TNIK: variants seen among roughly 807,000 people sequenced by gnomAD.
TNIK encodes TRAF2 and NCK interacting kinase.
A neutral mutation model predicts 191.3 loss-of-function variants in TNIK; 49 were observed. The observed-to-expected ratio is 0.26, with a 90% confidence interval of 0.20 to 0.32. The LOEUF (loss-of-function observed/expected upper bound fraction) is 0.32. Among genes scored for constraint, TNIK ranks in the 10% least tolerant of loss-of-function variants. The pLI is 1.00. For synonymous variants in TNIK, 594 were observed against 600.9 expected (o/e 0.99, Z 0.17); for missense variants, 1,155 against 1,702.3 (o/e 0.68, Z 5.66).
intron 1 of TNIK, among the ~76,000 whole-genome samples, chr3:171,433,891 T>A (rs1488570405): frequency 6.6e-6 from 1 of 151,460 alleles, no homozygotes; most frequent in Non-Finnish European, 1.5e-5. Context: ...TTTCTAGATA[T>A]TTTACACTTA....
At chr3:171,229,494 A>G (rs760680181) in intron 2 of TNIK, among the ~76,000 whole-genome samples, 1 of 152,232 alleles carries the variant, frequency 6.6e-6, no homozygotes, top group Non-Finnish European at 1.5e-5. Flanking sequence ...AAAATGTGCT[A>G]GTTTAGTTGG....
intron 2 of TNIK, among the ~76,000 whole-genome samples, chr3:171,253,281 C>A (rs1243650973): frequency 1.3e-4 from 18 of 135,990 alleles, no homozygotes; most frequent in African/African-American, 1.7e-4. Flanking sequence ...AAGACTGTCT[C>A]AAAAAAAAAA....
At chr3:171,128,688 C>A in intron 16 of TNIK, 26 bp downstream of exon 16, 2 of 1,588,494 alleles carry the variant, frequency 1.3e-6, no homozygotes, top group South Asian at 1.2e-5. Context: ...TATTGGAATG[C>A]CTGATGGAAT....
At chr3:171,108,408 A>G (rs1190416473) in intron 19 of TNIK, among the ~76,000 whole-genome samples, 1 of 152,192 alleles carries the variant, frequency 6.6e-6, no homozygotes, top group East Asian at 1.9e-4. Flanking sequence ...TACTATCACC[A>G]CTAGAGCACT....
intron 19 of TNIK, 111 bp from the exon 20 acceptor site, chr3:171,108,273 CACGTCATTCACCTGGGCAAATCCTCAAG>C: frequency 1.3e-6 from 1 of 761,660 alleles, no homozygotes; most frequent in Non-Finnish European, 1.9e-6. Flanking sequence ...ACTCAGTGGA[CACGTCATTCACCTGGGCAAATCCTCAAG>C]AAACATCCAT....
chr3:171,156,149 G>A (rs74507792), intron 12 of TNIK, among the ~76,000 whole-genome samples: 2,183 of 152,308 alleles, frequency 0.014, 55 homozygotes, highest in African/African-American at 0.05. Context: ...GATAGTAGAT[G>A]AGATAGTGGC....
Position 171,208,667 on chromosome 3 carries a change from C to T in TNIK, c.306+2449G>A, listed in dbSNP as rs575268507. Reference sequence around the variant, plus strand: ...CCGCCTCCCAAGTTCAAGCAATTCTCCTGCCTCAGCCTCTGGAGTAGCTGG... The same window carrying T: ...CCGCCTCCCAAGTTCAAGCAATTCTTCTGCCTCAGCCTCTGGAGTAGCTGG... On this transcript the variant is annotated intron_variant, in intron 4 of 32. Transcript: ENST00000436636. 5.9e-5 allele frequency among the ~76,000 whole-genome samples: 9 copies of T among 152,036 alleles called. No homozygotes were observed. In the South Asian group the frequency reaches 1.9e-3, roughly 31 times the overall value.
intron 7 of TNIK, among the ~76,000 whole-genome samples, chr3:171,179,118 G>T (rs1236689359): frequency 6.6e-6 from 1 of 152,166 alleles, no homozygotes; most frequent in Admixed American, 6.5e-5. Context: ...AATGTTACCA[G>T]TTCTCAGTTC....
intron 24 of TNIK, among the ~76,000 whole-genome samples, chr3:171,085,493 G>A (rs772775765): frequency 3.3e-5 from 5 of 152,146 alleles, no homozygotes; most frequent in Non-Finnish European, 5.9e-5. Context: ...ACCACATGTG[G>A]CACCTTAAAA....
chr3:171,410,954 A>C (rs1425078791), intron 1 of TNIK, among the ~76,000 whole-genome samples: 1 of 151,714 alleles, frequency 6.6e-6, no homozygotes, highest in African/African-American at 2.4e-5. Context: ...AATCCACTAC[A>C]CTCAGATTGC....
intron 10 of TNIK, among the ~76,000 whole-genome samples, chr3:171,161,903 G>T (rs1734043227): frequency 6.6e-6 from 1 of 152,114 alleles, no homozygotes; most frequent in South Asian, 2.1e-4. Context: ...ATGGGCGACA[G>T]AGCGAGGCCC....
intron 8 of TNIK, 105 bp downstream of exon 8, chr3:171,177,221 G>C: frequency 8.5e-7 from 1 of 1,174,094 alleles, no homozygotes; most frequent in Non-Finnish European, 1.2e-6. Flanking sequence ...AATCCATGCA[G>C]GGCTCGGTGT....
At chr3:171,261,820 A>T (rs558215150) in intron 2 of TNIK, among the ~76,000 whole-genome samples, 19 of 152,296 alleles carry the variant, frequency 1.2e-4, no homozygotes, top group Admixed American at 4.6e-4. Context: ...GATGTGTGTT[A>T]TTCAGAGAAT....
chr3:171,088,395 C>T (rs993330824), intron 23 of TNIK, among the ~76,000 whole-genome samples: 7 of 152,144 alleles, frequency 4.6e-5, no homozygotes, highest in Non-Finnish European at 7.4e-5. Context: ...CTACCACACC[C>T]GGCTAATTTT....
chr3:171,106,417 C>CT (rs1724896291), intron 21 of TNIK, among the ~76,000 whole-genome samples: 1 of 152,150 alleles, frequency 6.6e-6, no homozygotes, highest in Admixed American at 6.5e-5. Flanking sequence ...AAAGCCAGTG[C>CT]TTTTTCCATT....
chr3:171,236,758 C>G (rs1445608475), intron 2 of TNIK, among the ~76,000 whole-genome samples: 1 of 152,190 alleles, frequency 6.6e-6, no homozygotes, highest in Non-Finnish European at 1.5e-5. Flanking sequence ...AGACTCTTTG[C>G]TCACTCCATC....
Position 171,157,590 on chromosome 3 carries a change from C to T in TNIK, c.1091G>A (p.Arg364His), listed in dbSNP as rs773684553. ...FLRLQLANKE[R>H]SEALRRQQLE... is the part of the protein sequence containing the mutation. ...CTGCTGCCTCCGTAGGGCCTCAGAACGCTCCTTGTTGGCCAGCTGCAGCCT... is the reference window on the plus strand; with the variant it reads ...CTGCTGCCTCCGTAGGGCCTCAGAATGCTCCTTGTTGGCCAGCTGCAGCCT... The change falls in exon 12 of 33, where the codon CGT (arginine) becomes CAT (histidine). Residue 364 changes from arginine (R) to histidine (H), a missense_variant. Coordinates refer to ENST00000436636, the MANE Select transcript of TNIK (RefSeq NM_015028.4). 2.5e-5 allele frequency: 39 copies of T among 1,557,098 alleles called. 1 individual carries two copies. In the South Asian group the frequency reaches 2.7e-4, roughly 11 times the overall value.
At chr3:171,198,262 CAA>C (rs35713743) in intron 4 of TNIK, among the ~76,000 whole-genome samples, 4,597 of 142,860 alleles carry the variant, frequency 0.032, 99 homozygotes, top group South Asian at 0.076. Flanking sequence ...GACTCCGTCT[CAA>C]AAAAAAAAAA....
At chr3:171,130,429 C>CA (rs1483704022) in intron 15 of TNIK, among the ~76,000 whole-genome samples, 2 of 152,154 alleles carry the variant, frequency 1.3e-5, no homozygotes, top group African/African-American at 2.4e-5. Flanking sequence ...TACCACACAC[C>CA]AAATGAGATT....
Sources: allele counts gnomAD v4.1 joint callset (sites outside exome capture counted in the v4.1 genomes callset), GRCh38; gene constraint gnomAD v4.1.1; transcripts MANE v1.5; gene names NCBI Gene and HGNC (gene_info 2026-07-23, HGNC 2026-07-21).